The following ALLC variants were observed in gnomAD, a reference collection of about 807,000 sequenced individuals.
ALLC encodes the protein probable inactive allantoicase.
ALLC carries 40 observed loss-of-function variants against 45.0 expected under a neutral mutation model. That is an observed-to-expected ratio of 0.89 (90% CI 0.69 to 1.16). The LOEUF (loss-of-function observed/expected upper bound fraction) is 1.16. Among genes scored for constraint, ALLC ranks in the 50% most tolerant of loss-of-function variants. ALLC has a pLI of 0.00. For missense variants in ALLC, 488 were observed against 493.1 expected (o/e 0.99, Z 0.10); for synonymous variants, 176 against 178.1 (o/e 0.99, Z 0.09).
intron 1 of ALLC, among the ~76,000 whole-genome samples, chr2:3,664,895 A>C (rs1008916592): frequency 1.1e-4 from 16 of 150,980 alleles, no homozygotes; most frequent in Non-Finnish European, 1.5e-5. Context: ...AAAAAAAAAA[A>C]CAAAACCAAA....
At chr2:3,660,201 G>C (rs1333602778) in intron 1 of ALLC, among the ~76,000 whole-genome samples, 1 of 152,138 alleles carries the variant, frequency 6.6e-6, no homozygotes, top group African/African-American at 2.4e-5. Context: ...CTTGTTAGGA[G>C]GAGCCTGGCG....
At chr2:3,701,972 A>C (rs1030976048) in intron 11 of ALLC, among the ~76,000 whole-genome samples, 1 of 152,180 alleles carries the variant, frequency 6.6e-6, no homozygotes, top group African/African-American at 2.4e-5. Flanking sequence ...GAGATATTCC[A>C]CAAGTGTCTT....
chr2:3,667,326 A>C (rs1402327317), intron 1 of ALLC, among the ~76,000 whole-genome samples: 1 of 152,220 alleles, frequency 6.6e-6, no homozygotes, highest in East Asian at 1.9e-4. Context: ...GAGCAAGTGC[A>C]TGCTCAGCCC....
intron 1 of ALLC, among the ~76,000 whole-genome samples, chr2:3,668,566 C>CCTTTTTT (rs1666786219): frequency 1.4e-5 from 1 of 71,886 alleles, no homozygotes; most frequent in African/African-American, 7.3e-5. Flanking sequence ...ATGTGTATGA[C>CCTTTTTT]TTTTTTTTTT....
At position 3,687,277 on chromosome 2, in the gene ALLC, T is replaced by G. The variant is rs748381753; in HGVS notation, c.511+4203T>G. Among the ~76,000 whole-genome samples, 168 of 151,202 alleles carry G rather than the reference T, an allele frequency of 1.1e-3. 7 individuals are homozygous for G. Among genetic ancestry groups the G allele is most frequent in the Non-Finnish European group, 2.0e-3 (137 of 67,652 alleles). On this transcript the variant is annotated intron_variant, in intron 7 of 11. Coordinates refer to ENST00000252505, the MANE Select transcript of ALLC (RefSeq NM_018436.4). ...GTATGTTGAGACATGCTTGCCTTCC[T>G]GGAATGAATTCCACTTGATCATGGT...
intron 1 of ALLC, among the ~76,000 whole-genome samples, chr2:3,659,028 A>T (rs1572501081): frequency 6.6e-6 from 1 of 152,314 alleles, no homozygotes; most frequent in East Asian, 1.9e-4. Flanking sequence ...GGCTGCTCAG[A>T]GTCCCTGCTC....
chr2:3,660,506 C>T (rs939596202), intron 1 of ALLC, among the ~76,000 whole-genome samples: 3 of 152,166 alleles, frequency 2.0e-5, no homozygotes, highest in Admixed American at 6.5e-5. Context: ...AATAAAGTTT[C>T]GGTGCCGCCA....
At chr2:3,655,114 G>C (rs1666412244), upstream of ALLC, among the ~76,000 whole-genome samples, 2 of 152,368 alleles carry the variant, frequency 1.3e-5, no homozygotes, top group South Asian at 4.1e-4. Flanking sequence ...CTCCGTGCTG[G>C]CTGCTGGCCT....
chr2:3,658,871 T>G (rs1666502664), intron 1 of ALLC, among the ~76,000 whole-genome samples: 2 of 130,614 alleles, frequency 1.5e-5, no homozygotes, highest in African/African-American at 6.8e-5. Context: ...AGTGAGACCC[T>G]GTCTCAAAAA....
chr2:3,648,739 A>G, the ALLC span, among the ~76,000 whole-genome samples: 1 of 152,102 alleles, frequency 6.6e-6, no homozygotes, highest in South Asian at 2.1e-4. Context: ...CCTCCTGCAA[A>G]TCCATGTGGG....
rs770809478 is a variant in ALLC at position 3,697,356 on chromosome 2, G to C, written c.750G>C (p.Glu250Asp). ...LDRPPILEND[E>D]NGILLVPGCE... Reference sequence around the variant, plus strand: ...TCTCTTCTGAATTCCAGAATGATGAGAATGGCATTCTCTTGGTTCCGGGTT... The same window carrying C: ...TCTCTTCTGAATTCCAGAATGATGACAATGGCATTCTCTTGGTTCCGGGTT... The change falls in exon 10 of 12, where the codon GAG becomes GAC. Residue 250 changes from glutamate to aspartate, a missense_variant. Transcript: ENST00000252505. 2.5e-6 allele frequency: 4 copies of C among 1,613,438 alleles called. No individual in the cohort carries two copies. The Admixed American group carries it at 5.0e-5, about 20-fold the overall frequency.
intron 10 of ALLC, among the ~76,000 whole-genome samples, chr2:3,698,562 A>G (rs1667742625): frequency 6.6e-6 from 1 of 152,228 alleles, no homozygotes; most frequent in Admixed American, 6.5e-5. Flanking sequence ...ATTTGGACAA[A>G]CAACCTTGAT....
intron 1 of ALLC, among the ~76,000 whole-genome samples, chr2:3,668,042 G>T (rs1666773036): frequency 6.6e-6 from 1 of 152,210 alleles, no homozygotes; most frequent in Non-Finnish European, 1.5e-5. Flanking sequence ...TGGGATTACA[G>T]GTGTGAGCCA....
chr2:3,691,925 C>T (rs116354708), intron 7 of ALLC, among the ~76,000 whole-genome samples: 2,218 of 152,086 alleles, frequency 0.015, 52 homozygotes, highest in African/African-American at 0.05. Context: ...TCAGCAAATA[C>T]GTTTTTCCAT....
chr2:3,660,078 G>A (rs1468311320), intron 1 of ALLC, among the ~76,000 whole-genome samples: 1 of 152,260 alleles, frequency 6.6e-6, no homozygotes, highest in Non-Finnish European at 1.5e-5. Context: ...CCGTGTTGGA[G>A]GTGGGGCCCA....
chr2:3,665,904 G>A (rs1209937174), intron 1 of ALLC, among the ~76,000 whole-genome samples: 1 of 152,210 alleles, frequency 6.6e-6, no homozygotes, highest in African/African-American at 2.4e-5. Flanking sequence ...GGGCTACACA[G>A]AGTGAAGTGT....
chr2:3,697,317 G>A (rs747249311), intron 9 of ALLC, 31 bp from the exon 10 acceptor site: 13 of 1,580,988 alleles, frequency 8.2e-6, no homozygotes, highest in Middle Eastern at 1.7e-4. Flanking sequence ...CTCCAAGTTC[G>A]TTTACCATTT....
chr2:3,650,323 G>A, the ALLC span, among the ~76,000 whole-genome samples: 5 of 152,252 alleles, frequency 3.3e-5, no homozygotes, highest in Admixed American at 1.3e-4. Flanking sequence ...GGCATCCACA[G>A]GGCTCTCGGG....
At chr2:3,654,625 G>A (rs541748983), upstream of ALLC, among the ~76,000 whole-genome samples, 2 of 152,232 alleles carry the variant, frequency 1.3e-5, no homozygotes, top group Non-Finnish European at 2.9e-5. Context: ...CACTTGTCAC[G>A]AGCCAGACAC....
Sources: gnomAD v4.1 joint callset for allele counts (sites outside exome capture counted in the v4.1 genomes callset) on GRCh38, gnomAD v4.1.1 for gene constraint, MANE v1.5 for transcripts, NCBI Gene and HGNC (gene_info 2026-07-23, HGNC 2026-07-21) for gene names.